NRG1: variants seen among roughly 807,000 people sequenced by gnomAD.
NRG1 encodes the protein pro-neuregulin-1, membrane-bound isoform.
NRG1 carries 18 observed loss-of-function variants against 63.8 expected under a neutral mutation model. The observed-to-expected ratio is 0.28, with a 90% confidence interval of 0.19 to 0.42. The LOEUF (loss-of-function observed/expected upper bound fraction) is 0.42, where lower values mean the gene tolerates loss of function less well. Ranked by LOEUF, NRG1 falls within the 10% of genes least tolerant of loss-of-function variation. NRG1 has a pLI of 1.00. For synonymous variants in NRG1, 302 were observed against 301.3 expected, an observed-to-expected ratio of 1.00 and a Z score of -0.02; for missense variants, 762 against 814.7, an observed-to-expected ratio of 0.94 and a Z score of 0.79.
chr8:32,436,166 T>C (rs1235023359), intron 1 of NRG1, among the ~76,000 whole-genome samples: 1 of 152,106 alleles, frequency 6.6e-6, no homozygotes, highest in East Asian at 1.9e-4. Flanking sequence ...ACATCTTACA[T>C]GGCAGCAGGC....
intron 1 of NRG1, among the ~76,000 whole-genome samples, chr8:32,506,255 A>C (rs1013119256): frequency 6.6e-6 from 1 of 152,124 alleles, no homozygotes; most frequent in Non-Finnish European, 1.5e-5. Context: ...AAAAGAAAGA[A>C]AGAAAAAACA....
intron 1 of NRG1, among the ~76,000 whole-genome samples, chr8:32,502,310 A>T (rs1358671762): frequency 6.6e-6 from 1 of 151,014 alleles, no homozygotes; most frequent in African/African-American, 2.4e-5. Flanking sequence ...TCATGAGTAC[A>T]GTACCAAGAG....
At chr8:31,904,592 C>A (rs544365914) in intron 1 of NRG1, among the ~76,000 whole-genome samples, 1 of 152,308 alleles carries the variant, frequency 6.6e-6, no homozygotes, top group African/African-American at 2.4e-5. Flanking sequence ...TTCATCGCAG[C>A]AGTGTTCACA....
chr8:32,261,798 A>G (rs560634701), intron 1 of NRG1, among the ~76,000 whole-genome samples: 2 of 152,296 alleles, frequency 1.3e-5, no homozygotes, highest in African/African-American at 4.8e-5. Flanking sequence ...GAGTGTTAAT[A>G]TATGCATGTA....
intron 1 of NRG1, among the ~76,000 whole-genome samples, chr8:32,461,176 A>C (rs939100106): frequency 2.0e-5 from 3 of 151,998 alleles, no homozygotes; most frequent in Non-Finnish European, 2.9e-5. Flanking sequence ...AGTACTAAAA[A>C]CCTTTTCTTA....
chr8:32,136,595 G>C (rs1424710150), intron 1 of NRG1: 3 of 152,020 alleles, frequency 2.0e-5, no homozygotes, highest in Admixed American at 2.0e-4. Context: ...ATGCAAGCAT[G>C]GTACAGGTAG....
chr8:32,481,144 G>A (rs1448529677), intron 1 of NRG1, among the ~76,000 whole-genome samples: 2 of 152,120 alleles, frequency 1.3e-5, no homozygotes, highest in South Asian at 2.1e-4. Flanking sequence ...AGGAGTTCAA[G>A]AGCAGCCTGG....
At chr8:31,994,484 C>T (rs1586337426) in intron 1 of NRG1, among the ~76,000 whole-genome samples, 1 of 151,362 alleles carries the variant, frequency 6.6e-6, no homozygotes, top group Non-Finnish European at 1.5e-5. Flanking sequence ...AAGATCCTGT[C>T]TCTACATAAA....
rs763307430 is a variant in NRG1, at chr8:32,063,716, A to G, written c.37+424285A>G. On this transcript the variant is annotated intron_variant, in intron 1 of 10. Coordinates refer to the NRG1 transcript ENST00000519301. ...AGATCTTTAAGATGGAGAGCATCCC[A>G]TCAATGATTAGGAGAAACACAAACA... Among the ~76,000 whole-genome samples the G allele has an allele frequency of 3.9e-4, 60 of 152,182 alleles. 1 individual carries two copies. The highest frequency in any genetic ancestry group is 8.2e-4 in the Non-Finnish European group (56 of 68,018).
chr8:32,624,348 C>T (rs1296207909), intron 5 of NRG1, among the ~76,000 whole-genome samples: 2 of 152,128 alleles, frequency 1.3e-5, no homozygotes, highest in African/African-American at 2.4e-5. Context: ...CAGATGGGCT[C>T]AGCCCCATGG....
chr8:32,274,663 TGA>T (rs1054187021), intron 1 of NRG1, among the ~76,000 whole-genome samples: 1 of 152,178 alleles, frequency 6.6e-6, no homozygotes, highest in African/African-American at 2.4e-5. Context: ...TCTAGCCACC[TGA>T]GTCTTCAGAC....
chr8:31,653,328 T>C (rs1193666635), intron 1 of NRG1, among the ~76,000 whole-genome samples: 19 of 152,132 alleles, frequency 1.2e-4, no homozygotes, highest in Admixed American at 1.2e-3. Flanking sequence ...GATGTATTAG[T>C]TAGGGTAGGC....
chr8:32,154,193 T>C (rs112818628), intron 1 of NRG1, among the ~76,000 whole-genome samples: 7 of 152,276 alleles, frequency 4.6e-5, no homozygotes, highest in African/African-American at 1.4e-4. Context: ...CCAAGTGACC[T>C]ATCTCTAGGC....
chr8:32,745,947 T>C (rs1319894461), intron 7 of NRG1, among the ~76,000 whole-genome samples: 1 of 152,212 alleles, frequency 6.6e-6, no homozygotes, highest in African/African-American at 2.4e-5. Flanking sequence ...TTAAAAGTAG[T>C]TTTGAATCAC....
At chr8:32,725,183 C>T (rs4262285) in intron 5 of NRG1, among the ~76,000 whole-genome samples, 13,159 of 152,060 alleles carry the variant, frequency 0.087, 1,092 homozygotes, top group African/African-American at 0.22. Flanking sequence ...TAGCAAAAGC[C>T]TTGGCATTTG....
intron 1 of NRG1, among the ~76,000 whole-genome samples, chr8:32,131,769 T>C (rs1043949973): frequency 1.3e-5 from 2 of 152,050 alleles, no homozygotes; most frequent in Non-Finnish European, 2.9e-5. Flanking sequence ...ATAAGGCACC[T>C]AATGAGTATC....
At chr8:31,898,424 CTG>C (rs1243478138) in intron 1 of NRG1, among the ~76,000 whole-genome samples, 1 of 152,140 alleles carries the variant, frequency 6.6e-6, no homozygotes, top group African/African-American at 2.4e-5. Flanking sequence ...GATAGAGAAA[CTG>C]AGGCTCAAAA....
At chr8:32,030,705 C>T (rs1176216950) in intron 1 of NRG1, among the ~76,000 whole-genome samples, 1 of 152,088 alleles carries the variant, frequency 6.6e-6, no homozygotes, top group Non-Finnish European at 1.5e-5. Flanking sequence ...GTCTGTGGCT[C>T]AAACAAATGA....
intron 5 of NRG1, among the ~76,000 whole-genome samples, chr8:32,650,655 CAAAAAAAAAAAAAAA>C (rs59103241): frequency 5.2e-5 from 3 of 57,818 alleles, no homozygotes; most frequent in South Asian, 9.5e-4. Context: ...TAATGGAAAG[CAAAAAAAAAAAAAAA>C]AAAAAAAAAA....
Sources: gnomAD v4.1 joint callset for allele counts (sites outside exome capture counted in the v4.1 genomes callset) on GRCh38, gnomAD v4.1.1 for gene constraint, MANE v1.5 for transcripts, NCBI Gene and HGNC (gene_info 2026-07-23, HGNC 2026-07-21) for gene names.